The following LHPP variants were observed in gnomAD, a reference collection of about 807,000 sequenced individuals.
LHPP encodes the protein phospholysine phosphohistidine inorganic pyrophosphate phosphatase.
In LHPP, 24 loss-of-function variants were observed where a neutral mutation model predicts 30.3. The ratio of observed to expected loss-of-function variants is 0.79; its 90% CI spans 0.57 to 1.11. The LOEUF is 1.11. LHPP is among the 50% of genes most tolerant of loss of function. The pLI, the probability that LHPP is intolerant of heterozygous loss-of-function variation, is 0.00. For missense variants in LHPP, 356 were observed against 367.2 expected, an observed-to-expected ratio of 0.97 and a Z score of 0.25; for synonymous variants, 150 against 157.1, an observed-to-expected ratio of 0.95 and a Z score of 0.34.
chr10:124,477,194 C>G (rs962148901), intron 1 of LHPP, among the ~76,000 whole-genome samples: 29 of 152,186 alleles, frequency 1.9e-4, no homozygotes, highest in Admixed American at 1.4e-3. Context: ...CGGAGTGAGA[C>G]TCTGTCTCAA....
chr10:124,611,283 G>T (rs1023953354), intron 6 of LHPP, among the ~76,000 whole-genome samples: 4 of 152,174 alleles, frequency 2.6e-5, no homozygotes, highest in Admixed American at 6.5e-5. Context: ...GCTGGGAGTA[G>T]AACTCAGTCA....
intron 6 of LHPP, among the ~76,000 whole-genome samples, chr10:124,535,025 G>A (rs974134637): frequency 6.6e-6 from 1 of 152,228 alleles, no homozygotes; most frequent in Admixed American, 6.5e-5. Flanking sequence ...TGGCCTAGGG[G>A]TGAAACCTCT....
chr10:124,500,708 C>T (rs1284918713), intron 5 of LHPP, among the ~76,000 whole-genome samples: 3 of 150,816 alleles, frequency 2.0e-5, no homozygotes, highest in Non-Finnish European at 4.4e-5. Context: ...TACCACTTCA[C>T]ACTAAGATGA....
chr10:124,472,715 G>C (rs12358849), intron 1 of LHPP, among the ~76,000 whole-genome samples: 20,832 of 151,848 alleles, frequency 0.14, 1,807 homozygotes, highest in Non-Finnish European at 0.19. Context: ...CTGCCACCAC[G>C]TCTGGCTAAC....
rs191938879 is a variant in LHPP, at chr10:124,513,973, C to T, written c.625-3207C>T. Among the ~76,000 whole-genome samples the T allele has an allele frequency of 2.9e-4, 44 of 152,290 alleles. No individual in the cohort carries two copies. In the East Asian group the frequency reaches 7.3e-3, roughly 25 times the overall value. ...CATAAGTGTGTCCAGACACAGCCAG[C>T]CGTGCCGTAATGCAGAGCACTCAGC... On this transcript the variant is annotated intron_variant, in intron 5 of 6. Transcript: ENST00000368842.
chr10:124,500,951 A>G (rs1490744565), intron 5 of LHPP, among the ~76,000 whole-genome samples: 1 of 151,982 alleles, frequency 6.6e-6, no homozygotes, highest in East Asian at 1.9e-4. Flanking sequence ...GTACACAGAT[A>G]TTCATAGCAG....
chr10:124,499,916 G>T (rs963938779), intron 5 of LHPP, among the ~76,000 whole-genome samples: 1 of 152,002 alleles, frequency 6.6e-6, no homozygotes, highest in Admixed American at 6.5e-5. Flanking sequence ...GCTGTCTGGA[G>T]TCCCCAGAAA....
At chr10:124,591,976 C>T (rs529184022) in intron 6 of LHPP, among the ~76,000 whole-genome samples, 1 of 152,188 alleles carries the variant, frequency 6.6e-6, no homozygotes, top group Non-Finnish European at 1.5e-5. Context: ...TTCATCTGCT[C>T]TCCTGCCTCC....
chr10:124,515,181 A>C (rs1464437345), intron 5 of LHPP, among the ~76,000 whole-genome samples: 4 of 152,130 alleles, frequency 2.6e-5, no homozygotes, highest in African/African-American at 9.7e-5. Flanking sequence ...TGCTCTGTTC[A>C]TTTTTGAAAA....
At chr10:124,491,906 C>G (rs1018993338) in intron 3 of LHPP, among the ~76,000 whole-genome samples, 1 of 152,180 alleles carries the variant, frequency 6.6e-6, no homozygotes, top group Non-Finnish European at 1.5e-5. Context: ...GCCTGGGCGA[C>G]AGAGCAAGAC....
intron 3 of LHPP, chr10:124,490,334 G>T: frequency 3.8e-6 from 1 of 260,692 alleles, no homozygotes. Flanking sequence ...GGGGCAGATG[G>T]TGGTAATCGC....
intron 5 of LHPP, among the ~76,000 whole-genome samples, chr10:124,512,154 G>A (rs1698820033): frequency 1.3e-5 from 2 of 152,330 alleles, no homozygotes; most frequent in South Asian, 4.1e-4. Flanking sequence ...GCATGTGTCT[G>A]ATTCACACTG....
Position 124,590,434 on chromosome 10 carries a change from G to A in LHPP, c.717-22830G>A, listed in dbSNP as rs1032262434. 6.6e-6 allele frequency among the ~76,000 whole-genome samples: 1 copy of A among 152,104 alleles called. No homozygotes were observed. Among genetic ancestry groups the A allele is most frequent in the Non-Finnish European group, 1.5e-5 (1 of 68,028 alleles). ...GACCCAGAATTCTGAGTTGAGTTCC[G>A]ACGCAGGCGTGGGCGATGGTGAGCA... On this transcript the variant is annotated intron_variant, in intron 6 of 6. Transcript: ENST00000368842. The surrounding 1 kb of genome is among the most constrained non-coding windows in gnomAD (Gnocchi z 4.3).
chr10:124,589,777 G>A (rs56886019), intron 6 of LHPP, among the ~76,000 whole-genome samples: 3 of 152,322 alleles, frequency 2.0e-5, no homozygotes, highest in East Asian at 3.9e-4. Flanking sequence ...GTCGGCTCTC[G>A]TTCAGGCCTG....
chr10:124,579,866 C>G (rs114188501), intron 6 of LHPP, among the ~76,000 whole-genome samples: 3 of 147,416 alleles, frequency 2.0e-5, no homozygotes, highest in Non-Finnish European at 4.5e-5. Context: ...CCAAAGTGGA[C>G]GTGCCATTTC....
intron 5 of LHPP, among the ~76,000 whole-genome samples, chr10:124,501,417 C>G (rs1564792971): frequency 2.0e-5 from 3 of 151,572 alleles, no homozygotes; most frequent in Non-Finnish European, 4.4e-5. Context: ...GCCTGGCCAA[C>G]ATGGTGAAAC....
rs1955193128 is a variant in LHPP at position 124,541,621 on chromosome 10, G to T, written c.716+24350G>T. ...GAGCCTGGGACCACCCGTGGGGACA[G>T]TGTGTGTCTAGGCAAATGCCTTGGG... On this transcript the variant is annotated intron_variant, in intron 6 of 6. Transcript: ENST00000368842. The surrounding 1 kb of genome is among the most constrained non-coding windows in gnomAD (Gnocchi z 4.2). Among the ~76,000 whole-genome samples the T allele has an allele frequency of 6.6e-6, 1 of 152,184 alleles. No homozygotes were observed. Among genetic ancestry groups the T allele is most frequent in the Non-Finnish European group, 1.5e-5 (1 of 68,018 alleles).
intron 6 of LHPP, among the ~76,000 whole-genome samples, chr10:124,581,195 T>C (rs1239278306): frequency 1.3e-5 from 2 of 152,202 alleles, no homozygotes; most frequent in African/African-American, 4.8e-5. Context: ...ACTCTGCGTG[T>C]TTTCAAGGTT....
At chr10:124,591,253 G>A (rs896439514) in intron 6 of LHPP, among the ~76,000 whole-genome samples, 2 of 152,164 alleles carry the variant, frequency 1.3e-5, no homozygotes, top group Admixed American at 1.3e-4. Context: ...GAGGCCTCAG[G>A]GAGAAAAGAC....
Sources: allele counts gnomAD v4.1 joint callset (sites outside exome capture counted in the v4.1 genomes callset), GRCh38; gene constraint gnomAD v4.1.1; non-coding constraint Gnocchi (gnomAD v3.1); transcripts MANE v1.5; gene names NCBI Gene and HGNC (gene_info 2026-07-23, HGNC 2026-07-21).